The following ETV6 variants were observed in gnomAD, a reference collection of about 807,000 sequenced individuals.
ETV6 encodes the protein ETS variant transcription factor 6, also known as transcription factor ETV6.
Under a neutral mutation model 51.1 loss-of-function variants are expected in ETV6, and 16 were observed. That is an observed-to-expected ratio of 0.31 (90% CI 0.21 to 0.48). ETV6 has a LOEUF of 0.48. ETV6 is among the 20% of genes least tolerant of loss of function. ETV6 has a pLI of 0.99. For synonymous variants in ETV6, 240 were observed against 224.1 expected (o/e 1.07, Z -0.64); for missense variants, 458 against 594.8 (o/e 0.77, Z 2.39).
At chr12:11,661,391 CCTGA>C (rs1475105422) in intron 1 of ETV6, among the ~76,000 whole-genome samples, 4 of 152,252 alleles carry the variant, frequency 2.6e-5, no homozygotes, top group African/African-American at 4.8e-5. Flanking sequence ...CCGTCACTCT[CCTGA>C]CTAATAGGTC....
chr12:11,677,346 T>A (rs1041872211), intron 1 of ETV6, among the ~76,000 whole-genome samples: 2 of 152,208 alleles, frequency 1.3e-5, no homozygotes, highest in South Asian at 4.1e-4. Flanking sequence ...CCAAGTTCTT[T>A]CCTGGCTCTG....
intron 5 of ETV6, among the ~76,000 whole-genome samples, chr12:11,881,042 A>G (rs1947083552): frequency 6.6e-6 from 1 of 152,102 alleles, no homozygotes; most frequent in Admixed American, 6.5e-5. Flanking sequence ...GGCTCAAGCA[A>G]TTCTCCCACC....
At chr12:11,679,084 A>C (rs1345886196) in intron 1 of ETV6, among the ~76,000 whole-genome samples, 1 of 152,178 alleles carries the variant, frequency 6.6e-6, no homozygotes, top group Non-Finnish European at 1.5e-5. Flanking sequence ...ATTAACCATC[A>C]CAGATATTAA....
chr12:11,704,528 G>A (rs1865038206), intron 1 of ETV6, among the ~76,000 whole-genome samples: 2 of 152,052 alleles, frequency 1.3e-5, no homozygotes, highest in Non-Finnish European at 2.9e-5. Flanking sequence ...TGTATTTTTA[G>A]TAGAGATGGG....
chr12:11,746,733 A>G (rs1341838765), intron 1 of ETV6, among the ~76,000 whole-genome samples: 1 of 151,278 alleles, frequency 6.6e-6, no homozygotes, highest in Non-Finnish European at 1.5e-5. Flanking sequence ...AAAAAACTCA[A>G]TGACCTTTTA....
Position 11,818,400 on chromosome 12 carries a change from TGCGTGTAATCCCA to T in ETV6, c.164-20737_164-20725del, listed in dbSNP as rs557013105. On this transcript the variant is annotated intron_variant, in intron 2 of 7. Transcript: ENST00000396373. ...AAAATTAGCTGAGCGTGGTGATGCA[TGCGTGTAATCCCA>T]GCTATGCAGGAAGTTGAGGCACAAC... 9.9e-4 allele frequency among the ~76,000 whole-genome samples: 151 copies of T among 152,174 alleles called. 2 individuals are homozygous for T. The South Asian group carries it at 0.03, about 31-fold the overall frequency.
chr12:11,675,983 G>C (rs145936520), intron 1 of ETV6, among the ~76,000 whole-genome samples: 208 of 152,200 alleles, frequency 1.4e-3, no homozygotes, highest in Middle Eastern at 3.4e-3. Context: ...GAGGAACTGG[G>C]TACCTAGAAG....
At position 11,895,059 on chromosome 12, in the gene ETV6, G is replaced by T. The variant is rs376727723; in HGVS notation, c.*4013G>T. On this transcript the variant is annotated 3_prime_UTR_variant, in exon 8 of 8. Coordinates refer to ENST00000396373, the MANE Select transcript of ETV6 (RefSeq NM_001987.5). ...CCTAAAACCCACAGAAGACTAACCT[G>T]ATACTCTTTTGACCCAACTGCATCA... The T allele has an allele frequency of 4.3e-6, 1 of 232,872 alleles. No individual in the cohort carries two copies. Among genetic ancestry groups the T allele is most frequent in the African/African-American group, 2.2e-5 (1 of 45,270 alleles). 14.4% of individuals were successfully genotyped at this position (232,872 alleles called of 1,614,324 possible). A position where few individuals can be genotyped will look rare whatever the true frequency, so the allele number is the denominator to read the frequency against.
intron 1 of ETV6, among the ~76,000 whole-genome samples, chr12:11,699,687 A>G (rs553582798): frequency 6.6e-6 from 1 of 152,276 alleles, no homozygotes; most frequent in African/African-American, 2.4e-5. Context: ...GGATGGAGGT[A>G]AAGAGGATAG....
At chr12:11,832,718 G>A (rs986653664) in intron 2 of ETV6, among the ~76,000 whole-genome samples, 2 of 152,200 alleles carry the variant, frequency 1.3e-5, no homozygotes, top group East Asian at 1.9e-4. Context: ...CTGTATTTCA[G>A]GATATCAGGA....
At position 11,716,216 on chromosome 12, in the gene ETV6, A is replaced by G. The variant is rs11054430; in HGVS notation, c.34-36234A>G. On this transcript the variant is annotated intron_variant, in intron 1 of 7. Coordinates refer to ENST00000396373, the MANE Select transcript of ETV6 (RefSeq NM_001987.5). Reference sequence around the variant, plus strand: ...CATGGTGGTGGGCGCCTGTAGTCCCAGCTACTCGGGAGGCTGAGGCAGGAG... The same window carrying G: ...CATGGTGGTGGGCGCCTGTAGTCCCGGCTACTCGGGAGGCTGAGGCAGGAG... 1.8e-3 allele frequency among the ~76,000 whole-genome samples: 266 copies of G among 150,692 alleles called. 6 individuals carry two copies. The East Asian group carries it at 0.045, about 26-fold the overall frequency.
intron 1 of ETV6, among the ~76,000 whole-genome samples, chr12:11,669,994 C>T (rs1404959908): frequency 6.6e-6 from 1 of 150,826 alleles, no homozygotes; most frequent in Non-Finnish European, 1.5e-5. Context: ...TTCGATGATT[C>T]TACCCCAATC....
At chr12:11,737,938 CTT>C (rs1457666476) in intron 1 of ETV6, among the ~76,000 whole-genome samples, 1 of 152,010 alleles carries the variant, frequency 6.6e-6, no homozygotes, top group Non-Finnish European at 1.5e-5. Flanking sequence ...CAGGCTTAGA[CTT>C]TTGTTATTTT....
chr12:11,753,921 C>T (rs963726547), intron 2 of ETV6, among the ~76,000 whole-genome samples: 2 of 152,200 alleles, frequency 1.3e-5, no homozygotes, highest in Admixed American at 6.5e-5. Flanking sequence ...CCCTACTCTA[C>T]CATCTTTTCC....
At chr12:11,777,189 G>A (rs947307042) in intron 2 of ETV6, among the ~76,000 whole-genome samples, 1 of 138,196 alleles carries the variant, frequency 7.2e-6, no homozygotes, top group Non-Finnish European at 1.5e-5. Context: ...GCAGTGAGCC[G>A]AGATAGCGCC....
At chr12:11,732,458 G>A (rs1865618040) in intron 1 of ETV6, among the ~76,000 whole-genome samples, 1 of 152,170 alleles carries the variant, frequency 6.6e-6, no homozygotes, top group South Asian at 2.1e-4. Context: ...GTAGAAAGCA[G>A]GAGAGGTTCA....
chr12:11,819,576 C>G (rs1451037070), intron 2 of ETV6, among the ~76,000 whole-genome samples: 1 of 152,218 alleles, frequency 6.6e-6, no homozygotes, highest in Non-Finnish European at 1.5e-5. Flanking sequence ...TTCAACAAAG[C>G]TGAATATATC....
chr12:11,720,690 C>G (rs1865365898), intron 1 of ETV6, among the ~76,000 whole-genome samples: 2 of 152,058 alleles, frequency 1.3e-5, no homozygotes, highest in Non-Finnish European at 2.9e-5. Flanking sequence ...GGCTAAGTCC[C>G]CAAAAGCAAT....
At chr12:11,878,910 G>A (rs1192343409) in intron 5 of ETV6, among the ~76,000 whole-genome samples, 2 of 150,704 alleles carry the variant, frequency 1.3e-5, no homozygotes, top group East Asian at 2.0e-4. Context: ...CAACACTCTC[G>A]ATATTTGGGC....
Sources: allele counts gnomAD v4.1 joint callset (sites outside exome capture counted in the v4.1 genomes callset), GRCh38; gene constraint gnomAD v4.1.1; transcripts MANE v1.5; gene names NCBI Gene and HGNC (gene_info 2026-07-23, HGNC 2026-07-21).